Variants in TLN2 observed in about 807,000 individuals in gnomAD.
The protein encoded by TLN2 is talin-2.
In TLN2, 118 loss-of-function variants were observed where a neutral mutation model predicts 294.7. That is an observed-to-expected ratio of 0.40 (90% CI 0.34 to 0.47). The LOEUF (loss-of-function observed/expected upper bound fraction) is 0.47. Ranked by LOEUF, TLN2 falls within the 20% of genes least tolerant of loss-of-function variation. The pLI is 0.84. For synonymous variants in TLN2, 1,431 were observed against 1,304.5 expected, an observed-to-expected ratio of 1.10 and a Z score of -2.09; for missense variants, 3,083 against 3,282.2, an observed-to-expected ratio of 0.94 and a Z score of 1.48.
At chr15:62,503,236 G>C (rs532192667) in intron 1 of TLN2, among the ~76,000 whole-genome samples, 12 of 152,260 alleles carry the variant, frequency 7.9e-5, no homozygotes, top group Admixed American at 5.9e-4. Context: ...AATAATAAAA[G>C]TCACTTACTC....
At chr15:62,835,025 G>A (rs8033703) in intron 55 of TLN2, 116,915 of 152,014 alleles carry the variant, frequency 0.77, 45,404 homozygotes, top group Non-Finnish European at 0.83. Context: ...AATCCCTGAT[G>A]TGGCCCTTTT....
intron 36 of TLN2, 100 bp downstream of exon 36, chr15:62,754,016 A>G: frequency 7.3e-7 from 1 of 1,360,808 alleles, no homozygotes; most frequent in African/African-American, 1.5e-5. Flanking sequence ...TTGTTCTTTC[A>G]GAGCTTGCAA....
intron 35 of TLN2, among the ~76,000 whole-genome samples, chr15:62,752,786 T>C (rs533100714): frequency 1.1e-4 from 16 of 152,378 alleles, no homozygotes; most frequent in African/African-American, 2.6e-4. Context: ...GAAACTGTTA[T>C]GTCATGCTCT....
At chr15:62,640,478 T>C (rs550867186) in intron 3 of TLN2, 1 of 409,128 alleles carries the variant, frequency 2.4e-6, no homozygotes, top group South Asian at 1.8e-5. Flanking sequence ...CACAAACCCC[T>C]GCTTTACACA....
At chr15:62,751,445 A>G (rs1459936308) in intron 34 of TLN2, among the ~76,000 whole-genome samples, 4 of 152,238 alleles carry the variant, frequency 2.6e-5, no homozygotes, top group Non-Finnish European at 5.9e-5. Context: ...ATCCAAAGAA[A>G]TGGTTCCTTT....
intron 1 of TLN2, among the ~76,000 whole-genome samples, chr15:62,574,424 T>C (rs1333365059): frequency 6.6e-6 from 1 of 150,754 alleles, no homozygotes; most frequent in Non-Finnish European, 1.5e-5. Context: ...AAAATAAGGA[T>C]GAAAAATTTA....
At chr15:62,749,023 T>C (rs191439367) in intron 33 of TLN2, among the ~76,000 whole-genome samples, 27 of 152,392 alleles carry the variant, frequency 1.8e-4, no homozygotes, top group Middle Eastern at 3.4e-3. Flanking sequence ...TGAAAAGTTA[T>C]GTATCCCCAT....
At chr15:62,755,761 G>A (rs867026994) in intron 37 of TLN2, 68 bp downstream of exon 37, 1 of 1,576,160 alleles carries the variant, frequency 6.3e-7, no homozygotes, top group Non-Finnish European at 8.6e-7. Flanking sequence ...AGGGGAACAA[G>A]ATTTAAGCTC....
At chr15:62,423,430 C>T (rs1388207735) in intron 1 of TLN2, among the ~76,000 whole-genome samples, 2 of 152,134 alleles carry the variant, frequency 1.3e-5, no homozygotes, top group East Asian at 3.9e-4. Context: ...AGGGTATGAC[C>T]TGTGTCTCCA....
chr15:62,533,675 G>C (rs2041178366), intron 1 of TLN2, among the ~76,000 whole-genome samples: 1 of 152,132 alleles, frequency 6.6e-6, no homozygotes, highest in Non-Finnish European at 1.5e-5. Context: ...AATGCCAGGA[G>C]GGTTTGAATT....
chr15:62,761,738 C>G lies in TLN2; in HGVS notation c.4696C>G (p.Pro1566Ala), dbSNP rs770078769. ...NRNKCRIATA[P>A]LIEAVENLTA... ...CAATAAGTGTCGCATCGCCACCGCA[C>G]CCTTGATTGAAGCTGTGGAGAACCT... Residue 1566 changes from proline to alanine, a missense_variant, in exon 38 of 59, where the codon CCC becomes GCC. By Grantham distance (27) the Pro-to-Ala change is conservative (BLOSUM62 -1). Coordinates refer to ENST00000636159, the MANE Select transcript of TLN2 (RefSeq NM_015059.3). 6 of 1,614,024 alleles carry G rather than the reference C, an allele frequency of 3.7e-6. No homozygotes were observed. The highest frequency in any genetic ancestry group is 5.1e-6 in the Non-Finnish European group (6 of 1,180,030).
At chr15:62,667,695 A>G (rs1165286876) in intron 9 of TLN2, among the ~76,000 whole-genome samples, 2 of 152,218 alleles carry the variant, frequency 1.3e-5, no homozygotes, top group Non-Finnish European at 2.9e-5. Flanking sequence ...GACAGATAAG[A>G]GGCAGTTCAC....
At chr15:62,709,517 C>T (rs533059443) in intron 21 of TLN2, among the ~76,000 whole-genome samples, 4 of 152,198 alleles carry the variant, frequency 2.6e-5, no homozygotes, top group South Asian at 2.1e-4. Context: ...AATTGGCCAG[C>T]CCTAAGAGGA....
At chr15:62,832,167 C>G (rs2068930123) in intron 54 of TLN2, 1 of 132,910 alleles carries the variant, frequency 7.5e-6, no homozygotes, top group African/African-American at 2.8e-5. Flanking sequence ...TAACAAAATA[C>G]TTGGTACACA....
chr15:62,593,326 GTCAA>G (rs140779079), intron 2 of TLN2, among the ~76,000 whole-genome samples: 194 of 152,350 alleles, frequency 1.3e-3, no homozygotes, highest in East Asian at 7.7e-3. Flanking sequence ...TCTTAGCACT[GTCAA>G]TCAAGATTCC....
At chr15:62,564,168 G>C (rs922029219) in intron 1 of TLN2, among the ~76,000 whole-genome samples, 14 of 152,168 alleles carry the variant, frequency 9.2e-5, no homozygotes, top group Non-Finnish European at 1.9e-4. Context: ...TACACATGAG[G>C]GAATGGAGAC....
intron 2 of TLN2, among the ~76,000 whole-genome samples, chr15:62,613,306 A>G (rs776333825): frequency 1.4e-4 from 21 of 152,226 alleles, no homozygotes; most frequent in Non-Finnish European, 2.2e-4. Flanking sequence ...GAGAGGGCAG[A>G]AATTAAAAAT....
chr15:62,402,081 A>T (rs1042821036), intron 1 of TLN2, among the ~76,000 whole-genome samples: 1 of 152,192 alleles, frequency 6.6e-6, no homozygotes, highest in Admixed American at 6.5e-5. Flanking sequence ...TTTAACCCCA[A>T]GCCATAGGAG....
At chr15:62,485,938 C>T (rs990000222) in intron 1 of TLN2, among the ~76,000 whole-genome samples, 4 of 152,048 alleles carry the variant, frequency 2.6e-5, no homozygotes, top group African/African-American at 9.7e-5. Context: ...ACTGTGGAAA[C>T]ACTTGGTGCA....
Sources: allele counts gnomAD v4.1 joint callset (sites outside exome capture counted in the v4.1 genomes callset), GRCh38; gene constraint gnomAD v4.1.1; transcripts MANE v1.5; gene names NCBI Gene and HGNC (gene_info 2026-07-23, HGNC 2026-07-21).